KRT73: variants seen among roughly 807,000 people sequenced by gnomAD.
KRT73 encodes the protein keratin 73.
KRT73 carries 44 observed loss-of-function variants against 47.2 expected under a neutral mutation model. The ratio of observed to expected loss-of-function variants is 0.93; its 90% CI spans 0.73 to 1.20. KRT73 has a LOEUF of 1.20. KRT73 is among the 50% of genes most tolerant of loss of function. The pLI is 0.00. For missense variants in KRT73, 713 were observed against 704.5 expected (o/e 1.01, Z -0.14); for synonymous variants, 285 against 291.3 (o/e 0.98, Z 0.22).
At chr12:52,629,967 C>T in the KRT73 span, among the ~76,000 whole-genome samples, 1 of 152,178 alleles carries the variant, frequency 6.6e-6, no homozygotes, top group Admixed American at 6.5e-5. Flanking sequence ...TCCACCCTTT[C>T]CAAGCCCGGG....
the KRT73 span, among the ~76,000 whole-genome samples, chr12:52,630,074 T>A: frequency 6.6e-6 from 1 of 152,140 alleles, no homozygotes; most frequent in Admixed American, 6.5e-5. Flanking sequence ...CCCTTTTCCC[T>A]CTTGTTCAAG....
At chr12:52,626,785 T>C in the KRT73 span, among the ~76,000 whole-genome samples, 1 of 152,164 alleles carries the variant, frequency 6.6e-6, no homozygotes, top group South Asian at 2.1e-4. Flanking sequence ...GGAGTCCAAA[T>C]CTGGGAAGGC....
At chr12:52,615,372 GTGTC>G (rs1419141364) in intron 2 of KRT73, 33 bp from the exon 3 acceptor site, 7 of 1,554,944 alleles carry the variant, frequency 4.5e-6, no homozygotes, top group Non-Finnish European at 6.2e-6. Context: ...AGCAGAGTGT[GTGTC>G]TGTGTGTGTG....
intron 1 of KRT73, among the ~76,000 whole-genome samples, chr12:52,617,719 C>G (rs950687126): frequency 6.6e-6 from 1 of 152,196 alleles, no homozygotes; most frequent in Admixed American, 6.5e-5. Flanking sequence ...CCTTCCTGGG[C>G]TAGGCTGCTG....
rs200517856 is a variant in KRT73, at chr12:52,610,642, C to T, written c.1304G>A (p.Arg435His). The T allele has an allele frequency of 2.7e-5, 43 of 1,611,868 alleles. No individual in the cohort carries two copies. Among genetic ancestry groups the T allele is most frequent in the African/African-American group, 5.4e-5 (4 of 74,428 alleles). ...LSLDIEIATYRKLLEGEECRM... is the reference protein window; with the variant it reads ...LSLDIEIATYHKLLEGEECRM... ...GCACTCCTCGCCCTCCAGCAGCTTGCGGTAGGTGGCGATCTCAATATCCAG... is the reference window on the plus strand; with the variant it reads ...GCACTCCTCGCCCTCCAGCAGCTTGTGGTAGGTGGCGATCTCAATATCCAG... Residue 435 changes from arginine to histidine, a missense_variant, in exon 7 of 9, where the codon CGC (arginine) becomes CAC (histidine). Coordinates refer to ENST00000305748, the MANE Select transcript of KRT73 (RefSeq NM_175068.3).
rs1391757879 is a variant in KRT73 at position 52,611,209 on chromosome 12, T to C, written c.1105A>G (p.Lys369Glu). The C allele has an allele frequency of 1.9e-6, 3 of 1,614,128 alleles. No homozygotes were observed. Among genetic ancestry groups the C allele is most frequent in the Admixed American group, 1.7e-5 (1 of 60,024 alleles). ...AAGGCTCCAGTCCCCTTCACCTGCT[T>C]CTTCACACTCTCAATCTCCGAGCGC... ...RLRSEIESVK[K>E]QCANLETAIA... The change falls in exon 6 of 9, where the codon AAG becomes GAG. Residue 369 changes from lysine (K) to glutamate (E), a missense_variant. Lys to Glu is a moderately conservative substitution (Grantham distance 56). Transcript: ENST00000305748.
rs984775293 is a variant in KRT73, at chr12:52,614,810, C to T, written c.724-136G>A. ...ATCCAAGGGGCAGGAACCGGCCTTC[C>T]AGCCACAACTTCACTGTCAGACTCA... On this transcript the variant is annotated intron_variant, in intron 3 of 8. Coordinates refer to ENST00000305748, the MANE Select transcript of KRT73 (RefSeq NM_175068.3). 9.2e-6 allele frequency: 6 copies of T among 653,468 alleles called. No homozygotes were observed. The Admixed American group carries it at 1.9e-4, about 20-fold the overall frequency. The allele number at this position is 653,468 out of a possible 1,614,324, so 40.5% of individuals were successfully genotyped here. A position where few individuals can be genotyped will look rare whatever the true frequency, so the allele number is the denominator to read the frequency against.
intron 7 of KRT73, 85 bp downstream of exon 7, chr12:52,610,530 C>CG: frequency 9.6e-5 from 17 of 177,898 alleles, no homozygotes; most frequent in South Asian, 3.2e-4. Flanking sequence ...CAGCTCGCCG[C>CG]CCCCTCCCCC....
chr12:52,618,638 A>C (rs1180174789), upstream of KRT73: 6 of 1,128,700 alleles, frequency 5.3e-6, no homozygotes, highest in Non-Finnish European at 7.4e-6. Context: ...CCATGGGCCT[A>C]ATTTGTGGGT....
rs1345192624 is a variant in KRT73, at chr12:52,616,290, C to G, written c.538G>C (p.Glu180Gln). 6 of 1,614,188 alleles carry G rather than the reference C, an allele frequency of 3.7e-6. No homozygotes were observed. Among genetic ancestry groups the G allele is most frequent in the Non-Finnish European group, 4.2e-6 (5 of 1,180,034 alleles). The change falls in exon 2 of 9, where the codon GAG (glutamate) becomes CAG (glutamine). Residue 180 changes from glutamate to glutamine, a missense_variant. Glu to Gln is a conservative substitution (Grantham distance 29). Transcript: ENST00000305748. ...CTGATGTAGCCCTCAAGGATGGGCT[C>G]CAGGTTATTCTTGCAGTTGTTCAGG... ...LDLNNCKNNL[E>Q]PILEGYISNL... is the part of the protein sequence containing the mutation.
the KRT73 span, among the ~76,000 whole-genome samples, chr12:52,624,008 A>G: frequency 1.3e-5 from 2 of 152,056 alleles, no homozygotes; most frequent in Admixed American, 6.5e-5. Context: ...GCCTAAATGT[A>G]CCAATTAAAA....
intron 3 of KRT73, 83 bp downstream of exon 3, chr12:52,615,196 G>T: frequency 1.7e-6 from 2 of 1,207,094 alleles, no homozygotes; most frequent in South Asian, 2.8e-5. Context: ...CCTTCTGCGG[G>T]GGGCTCAGAC....
chr12:52,626,471 CA>C, the KRT73 span, among the ~76,000 whole-genome samples: 28 of 131,440 alleles, frequency 2.1e-4, no homozygotes, highest in Non-Finnish European at 1.8e-4. Flanking sequence ...TTGTTTTCAT[CA>C]GAGCCTGAAC....
chr12:52,618,517 C>T lies in KRT73; in HGVS notation c.8G>A (p.Arg3His), dbSNP rs757617750. 14 of 1,598,268 alleles carry T rather than the reference C, an allele frequency of 8.8e-6. No individual in the cohort carries two copies. Among genetic ancestry groups the T allele is most frequent in the Admixed American group, 6.9e-5 (4 of 58,312 alleles). The change falls in exon 1 of 9, where the codon CGC becomes CAC. Residue 3 changes from arginine to histidine, a missense_variant. Transcript: ENST00000305748. The part of the protein sequence containing the change: MS[R>H]QFTYKSGAAA... ...AGCTCCCGACTTGTAGGTGAATTGG[C>T]GGCTCATGGTGGGGAGGCCAGAAAG... is the stretch of plus-strand genomic sequence containing the variant.
In KRT73 at chr12:52,611,345, C is replaced by G; in HGVS notation, c.985-16G>C. ...GCTCCTGGAACTAGAGGAAAAGGAA[C>G]CAAAGCAAGAACACTGACTCAGGGC... On this transcript the variant is annotated splice_polypyrimidine_tract_variant and intron_variant, in intron 5 of 8. Transcript: ENST00000305748. 6.2e-7 allele frequency: 1 copy of G among 1,613,944 alleles called. No homozygotes were observed. The highest frequency in any genetic ancestry group is 8.5e-7 in the Non-Finnish European group (1 of 1,179,972).
chr12:52,630,188 C>A, the KRT73 span, among the ~76,000 whole-genome samples: 1 of 152,030 alleles, frequency 6.6e-6, no homozygotes, highest in African/African-American at 2.4e-5. Flanking sequence ...CACTGCTGAA[C>A]GAAGCCTGAG....
the KRT73 span, among the ~76,000 whole-genome samples, chr12:52,626,872 T>C: frequency 7.2e-5 from 11 of 152,278 alleles, no homozygotes; most frequent in African/African-American, 2.2e-4. Context: ...CTTTCAGTTT[T>C]AAAACTAGGA....
In KRT73 at chr12:52,608,366, T is replaced by TG; in HGVS notation, c.1452dup (p.Ser485GlnfsTer22). ...ATGCTGTAGCCCCCGCTGACAGAGC[T>TG]GGGCCAGTAGCCGTAGGTGCCAGCA... On this transcript the variant is annotated frameshift_variant, in exon 9 of 9. Transcript: ENST00000305748. LOFTEE classifies it low-confidence loss of function (END_TRUNC). The TG allele has an allele frequency of 6.2e-7, 1 of 1,613,474 alleles. No homozygotes were observed. The highest frequency in any genetic ancestry group is 8.5e-7 in the Non-Finnish European group (1 of 1,180,012).
At chr12:52,628,878 G>A in the KRT73 span, among the ~76,000 whole-genome samples, 1 of 152,216 alleles carries the variant, frequency 6.6e-6, no homozygotes, top group Non-Finnish European at 1.5e-5. Context: ...GAGCAGGTAT[G>A]CGTGCTCAGG....
Sources: gnomAD v4.1 joint callset for allele counts (sites outside exome capture counted in the v4.1 genomes callset) on GRCh38, gnomAD v4.1.1 for gene constraint, MANE v1.5 for transcripts, NCBI Gene and HGNC (gene_info 2026-07-23, HGNC 2026-07-21) for gene names.